Variants in NKTR observed in about 807,000 individuals in gnomAD.
NKTR encodes natural killer cell triggering receptor.
In NKTR, 67 loss-of-function variants were observed where a neutral mutation model predicts 156.3. The observed-to-expected ratio is 0.43, with a 90% confidence interval of 0.35 to 0.53. The LOEUF is 0.53. Ranked by LOEUF, NKTR falls within the 20% of genes least tolerant of loss-of-function variation. The pLI is 0.01. For missense variants in NKTR, 1,604 were observed against 1,730.9 expected (o/e 0.93, Z 1.30); for synonymous variants, 640 against 596.6 (o/e 1.07, Z -1.06).
intron 6 of NKTR, among the ~76,000 whole-genome samples, chr3:42,625,898 G>T (rs1708336657): frequency 6.6e-6 from 1 of 152,092 alleles, no homozygotes; most frequent in Admixed American, 6.6e-5. Context: ...GTAATGTTTG[G>T]TGTGTATTAT....
At chr3:42,606,192 A>G (rs1453072631) in intron 2 of NKTR, among the ~76,000 whole-genome samples, 1 of 152,166 alleles carries the variant, frequency 6.6e-6, no homozygotes, top group African/African-American at 2.4e-5. Context: ...GCTAAAATTT[A>G]TTATTGATAC....
At chr3:42,627,632 GT>G (rs1708512974) in intron 6 of NKTR, 4 of 984,970 alleles carry the variant, frequency 4.1e-6, no homozygotes, top group Non-Finnish European at 4.8e-6. Flanking sequence ...TTGCACACAT[GT>G]TTTTTAAAGT....
chr3:42,630,003 A>T, intron 6 of NKTR: 1 of 985,438 alleles, frequency 1.0e-6, no homozygotes, highest in Non-Finnish European at 1.2e-6. Flanking sequence ...GTGAAGGAAG[A>T]TGGGCAGGAA....
chr3:42,614,686 C>T (rs1488645096), intron 2 of NKTR, among the ~76,000 whole-genome samples: 1 of 152,110 alleles, frequency 6.6e-6, no homozygotes, highest in Non-Finnish European at 1.5e-5. Context: ...AGGTATAAAT[C>T]ATAATGCTGT....
chr3:42,642,433 C>A, intron 13 of NKTR, 68 bp from the exon 14 acceptor site: 1 of 1,185,180 alleles, frequency 8.4e-7, no homozygotes, highest in Non-Finnish European at 1.3e-6. Context: ...TCTGCCCTAC[C>A]AGTAATTAAT....
chr3:42,639,198 A>T lies in NKTR; in HGVS notation c.3494A>T (p.Asp1165Val), dbSNP rs780247509. ...GATATAAACATTGTTTTGAAGCAGG[A>T]TATGGCAACGGAACATCCTCAAGCA... ...TPDINIVLKQ[D>V]MATEHPQAEV... The change falls in exon 13 of 17, where the codon GAT becomes GTT. Residue 1165 changes from aspartate (D) to valine (V), a missense_variant. Transcript: ENST00000232978. 10 of 1,614,198 alleles carry T rather than the reference A, an allele frequency of 6.2e-6. No homozygotes were observed. Among genetic ancestry groups the T allele is most frequent in the Non-Finnish European group, 8.5e-6 (10 of 1,180,032 alleles).
rs1577388508 is a variant in NKTR at position 42,600,692 on chromosome 3, G to A, written c.-110G>A. On this transcript the variant is annotated 5_prime_UTR_variant, in exon 1 of 17. Transcript: ENST00000232978. Reference sequence around the variant, plus strand: ...GGCCCGGCCTGGGGGAGGAGACGGCGTTCCGTTAGCGGCGTTGGGGTTTGG... The same window carrying A: ...GGCCCGGCCTGGGGGAGGAGACGGCATTCCGTTAGCGGCGTTGGGGTTTGG... The A allele has an allele frequency of 4.4e-6, 1 of 228,636 alleles. No homozygotes were observed. The highest frequency in any genetic ancestry group is 8.5e-6 in the Non-Finnish European group (1 of 117,438). The allele number at this position is 228,636 out of a possible 1,614,324, so 14.2% of individuals were successfully genotyped here.
At chr3:42,632,524 T>G (rs1056166185) in intron 8 of NKTR, 77 bp from the exon 9 acceptor site, 5 of 828,886 alleles carry the variant, frequency 6.0e-6, no homozygotes, top group Non-Finnish European at 9.5e-6. Flanking sequence ...TTTTATGATA[T>G]TCAGTAATCA....
In NKTR at chr3:42,633,707, A is replaced by G; in HGVS notation, c.901A>G (p.Met301Val). Residue 301 changes from methionine to valine, a missense_variant, in exon 10 of 17, where the codon ATG (methionine) becomes GTG (valine). By Grantham distance (21) the Met-to-Val change is conservative. Coordinates refer to ENST00000232978, the MANE Select transcript of NKTR (RefSeq NM_005385.4). ...GAACCGATTTTTACTGAGAAGAGATATGCCTGTTGTTACTGCAGAACCTGA... is the reference window on the plus strand; with the variant it reads ...GAACCGATTTTTACTGAGAAGAGATGTGCCTGTTGTTACTGCAGAACCTGA... ...PENRFLLRRD[M>V]PVVTAEPEPK... 6.2e-7 allele frequency: 1 copy of G among 1,614,100 alleles called. No homozygotes were observed. Among genetic ancestry groups the G allele is most frequent in the Non-Finnish European group, 8.5e-7 (1 of 1,179,960 alleles).
chr3:42,619,764 GATC>G, intron 5 of NKTR, 56 bp downstream of exon 5: 2 of 1,596,148 alleles, frequency 1.3e-6, no homozygotes, highest in Middle Eastern at 1.7e-4. Flanking sequence ...AAGCAAGTTT[GATC>G]ATATACTTTT....
intron 2 of NKTR, among the ~76,000 whole-genome samples, chr3:42,612,645 T>C (rs1180757878): frequency 2.0e-5 from 3 of 152,200 alleles, no homozygotes; most frequent in Non-Finnish European, 2.9e-5. Context: ...CAGGGATATG[T>C]ATTCAAATAG....
chr3:42,609,021 A>G (rs753780689), intron 2 of NKTR, among the ~76,000 whole-genome samples: 3 of 152,098 alleles, frequency 2.0e-5, no homozygotes, highest in African/African-American at 4.8e-5. Flanking sequence ...ACAGCTACTC[A>G]GGAGGCTAAG....
At chr3:42,610,586 A>G (rs989024521) in intron 2 of NKTR, among the ~76,000 whole-genome samples, 2 of 150,180 alleles carry the variant, frequency 1.3e-5, no homozygotes, top group African/African-American at 4.9e-5. Context: ...TTTGGTTTCT[A>G]TCGTGGGATT....
At chr3:42,628,302 ACTG>A in intron 6 of NKTR, 3 of 985,388 alleles carry the variant, frequency 3.0e-6, no homozygotes, top group Non-Finnish European at 3.6e-6. Context: ...TTTCTGCACT[ACTG>A]CTATAAAGGA....
chr3:42,630,048 C>CT (rs1366096013), intron 6 of NKTR: 3 of 985,498 alleles, frequency 3.0e-6, no homozygotes, highest in African/African-American at 3.5e-5. Flanking sequence ...CTACCTCTGC[C>CT]TGCCTAAAAA....
intron 5 of NKTR, chr3:42,620,279 A>C (rs1444587041): frequency 1.1e-4 from 133 of 1,230,714 alleles, no homozygotes; most frequent in Non-Finnish European, 1.3e-4. Context: ...CCCCTAAACC[A>C]AGCAATTTCT....
rs1709294753 is a variant in NKTR, at chr3:42,635,265, T to C, written c.1062T>C (p.Asp354=). 6.2e-7 allele frequency: 1 copy of C among 1,613,756 alleles called. No homozygotes were observed. The highest frequency in any genetic ancestry group is 1.6e-4 in the Middle Eastern group (1 of 6,062). ...PPRSRSCSES[D]DDDSSETPPH... is the part of the protein sequence containing the mutation. Reference sequence around the variant, plus strand: ...GATCAAGATCCTGTTCTGAGTCAGATGATGATGACAGCAGTGAAACTCCTC... The same window carrying C: ...GATCAAGATCCTGTTCTGAGTCAGACGATGATGACAGCAGTGAAACTCCTC... Residue 354 remains aspartate (D), a synonymous_variant, in exon 12 of 17, where the codon GAT becomes GAC. Coordinates refer to ENST00000232978, the MANE Select transcript of NKTR (RefSeq NM_005385.4).
At chr3:42,628,817 C>T (rs1161568789) in intron 6 of NKTR, 2 of 374,974 alleles carry the variant, frequency 5.3e-6, no homozygotes, top group Non-Finnish European at 7.3e-6. Context: ...GCTTGGCCAA[C>T]ATGGTGAAAC....
intron 2 of NKTR, among the ~76,000 whole-genome samples, chr3:42,605,493 C>T (rs1351320333): frequency 6.6e-6 from 1 of 152,204 alleles, no homozygotes; most frequent in African/African-American, 2.4e-5. Flanking sequence ...TTGAGTACTA[C>T]TTGTGTCCTT....
Sources: gnomAD v4.1 joint callset for allele counts (sites outside exome capture counted in the v4.1 genomes callset) on GRCh38, gnomAD v4.1.1 for gene constraint, MANE v1.5 for transcripts, NCBI Gene and HGNC (gene_info 2026-07-23, HGNC 2026-07-21) for gene names.